RBPMS: variants seen among roughly 807,000 people sequenced by gnomAD.
RBPMS encodes the protein RNA binding protein, mRNA processing factor.
RBPMS carries 7 observed loss-of-function variants against 26.8 expected under a neutral mutation model. The ratio of observed to expected loss-of-function variants is 0.26; its 90% confidence interval spans 0.15 to 0.49. The LOEUF (loss-of-function observed/expected upper bound fraction) is 0.49, where lower values mean the gene tolerates loss of function less well. Ranked by LOEUF, RBPMS falls within the 20% of genes least tolerant of loss-of-function variation. The pLI is 0.98. For missense variants in RBPMS, 186 were observed against 250.0 expected, an observed-to-expected ratio of 0.74 and a Z score of 1.73; for synonymous variants, 96 against 93.3, an observed-to-expected ratio of 1.03 and a Z score of -0.17.
At chr8:30,434,691 G>A (rs141780897) in intron 1 of RBPMS, among the ~76,000 whole-genome samples, 82 of 145,756 alleles carry the variant, frequency 5.6e-4, no homozygotes, top group African/African-American at 2.1e-3. Context: ...GAGACAGAGC[G>A]AGACTCTGCC....
chr8:30,517,660 T>C (rs1449957437), intron 5 of RBPMS, among the ~76,000 whole-genome samples: 1 of 152,212 alleles, frequency 6.6e-6, no homozygotes, highest in Admixed American at 6.5e-5. Flanking sequence ...AGTTCTGCTC[T>C]TGGAGTGTTT....
intron 6 of RBPMS, chr8:30,545,489 C>T: frequency 4.1e-6 from 4 of 966,542 alleles, no homozygotes; most frequent in Non-Finnish European, 4.9e-6. Flanking sequence ...TTTCATTTGT[C>T]TTTCTGCATG....
chr8:30,421,716 G>T (rs980165299), intron 1 of RBPMS, among the ~76,000 whole-genome samples: 1 of 152,152 alleles, frequency 6.6e-6, no homozygotes, highest in Non-Finnish European at 1.5e-5. Flanking sequence ...CAGCACTTTG[G>T]GAGGCTGAGG....
chr8:30,485,658 C>CT (rs1221948224), intron 4 of RBPMS, among the ~76,000 whole-genome samples: 1 of 152,194 alleles, frequency 6.6e-6, no homozygotes, highest in Non-Finnish European at 1.5e-5. Flanking sequence ...TGTGCATGCA[C>CT]TTTGGAGCTT....
intron 5 of RBPMS, among the ~76,000 whole-genome samples, chr8:30,511,658 T>C (rs1476888394): frequency 6.6e-6 from 1 of 150,638 alleles, no homozygotes; most frequent in Non-Finnish European, 1.5e-5. Flanking sequence ...CACATATATA[T>C]ATACACACAA....
chr8:30,474,861 CT>C lies in RBPMS; in HGVS notation c.144+12del, dbSNP rs764028194. ...CTGCTTTTCAGACCATTTAAGGTACCTTTTTTTATCTTTCAGAAATTATAAA... is the reference window on the plus strand; with the variant it reads ...CTGCTTTTCAGACCATTTAAGGTACCTTTTTTATCTTTCAGAAATTATAAA... On this transcript the variant is annotated splice_donor_region_variant and intron_variant, in intron 2 of 8. Transcript: ENST00000397323. The C allele has an allele frequency of 1.8e-5, 29 of 1,568,812 alleles. No homozygotes were observed. The highest frequency in any genetic ancestry group is 2.2e-5 in the East Asian group (1 of 44,630).
chr8:30,411,003 C>T (rs10102297), intron 1 of RBPMS, among the ~76,000 whole-genome samples: 1,872 of 151,990 alleles, frequency 0.012, 40 homozygotes, highest in African/African-American at 0.042. Flanking sequence ...CCTTTCAAGA[C>T]GCTGGGATTA....
At chr8:30,466,742 C>T (rs373372914) in intron 1 of RBPMS, among the ~76,000 whole-genome samples, 4 of 151,906 alleles carry the variant, frequency 2.6e-5, no homozygotes, top group South Asian at 2.1e-4. Flanking sequence ...TTACAGGTGC[C>T]GACCACCACG....
At chr8:30,484,373 T>C (rs776986106) in intron 4 of RBPMS, among the ~76,000 whole-genome samples, 11 of 152,188 alleles carry the variant, frequency 7.2e-5, no homozygotes, top group Non-Finnish European at 1.5e-4. Context: ...CAGTTCTAAG[T>C]AATGGAACTG....
At chr8:30,424,513 T>C (rs1258058550) in intron 1 of RBPMS, among the ~76,000 whole-genome samples, 1 of 152,206 alleles carries the variant, frequency 6.6e-6, no homozygotes, top group African/African-American at 2.4e-5. Flanking sequence ...TATAAGTTAG[T>C]TACTAAGGGT....
intron 6 of RBPMS, among the ~76,000 whole-genome samples, chr8:30,549,812 CTCT>C (rs1826193478): frequency 2.1e-5 from 3 of 140,836 alleles, no homozygotes; most frequent in Non-Finnish European, 4.6e-5. Flanking sequence ...TCTCCTCTCT[CTCT>C]CTCTCTCTCT....
intron 7 of RBPMS, among the ~76,000 whole-genome samples, chr8:30,562,370 A>C (rs1003072684): frequency 3.3e-5 from 5 of 150,462 alleles, no homozygotes; most frequent in African/African-American, 1.2e-4. Context: ...CCCGTGGATG[A>C]ATCATTTGTT....
chr8:30,485,305 T>G (rs963383708), intron 4 of RBPMS, among the ~76,000 whole-genome samples: 3 of 152,234 alleles, frequency 2.0e-5, no homozygotes, highest in Non-Finnish European at 4.4e-5. Flanking sequence ...AGATGGCCTA[T>G]CTCAACTCCC....
intron 5 of RBPMS, among the ~76,000 whole-genome samples, chr8:30,515,098 A>G (rs1437649769): frequency 6.6e-6 from 1 of 152,096 alleles, no homozygotes; most frequent in Non-Finnish European, 1.5e-5. Context: ...CAGCCTCCAG[A>G]GTAGCTGGGA....
chr8:30,418,292 G>A (rs1810336395), intron 1 of RBPMS, among the ~76,000 whole-genome samples: 1 of 152,076 alleles, frequency 6.6e-6, no homozygotes, highest in Non-Finnish European at 1.5e-5. Context: ...ATGTTGCTCA[G>A]GCTAGCTTCA....
At chr8:30,558,591 T>C (rs779704674) in intron 6 of RBPMS, 1 of 505,110 alleles carries the variant, frequency 2.0e-6, no homozygotes, top group Non-Finnish European at 3.6e-6. Context: ...TAGCCTCAAA[T>C]GGCTGCTAAC....
chr8:30,462,768 A>G (rs1816067459), intron 1 of RBPMS, among the ~76,000 whole-genome samples: 2 of 151,992 alleles, frequency 1.3e-5, no homozygotes, highest in Non-Finnish European at 2.9e-5. Context: ...TCAAAAATGG[A>G]ATATAAAGAG....
chr8:30,436,909 G>C (rs1812514777), intron 1 of RBPMS, among the ~76,000 whole-genome samples: 1 of 150,998 alleles, frequency 6.6e-6, no homozygotes, highest in African/African-American at 2.4e-5. Flanking sequence ...ACACTCCCTT[G>C]TCGTGATATA....
chr8:30,477,221 T>G (rs1488850082), intron 2 of RBPMS, among the ~76,000 whole-genome samples: 2 of 152,040 alleles, frequency 1.3e-5, no homozygotes, highest in South Asian at 2.1e-4. Context: ...CTCGGCTAAT[T>G]TTTTTGTATT....
Sources: allele counts gnomAD v4.1 joint callset (sites outside exome capture counted in the v4.1 genomes callset), GRCh38; gene constraint gnomAD v4.1.1; transcripts MANE v1.5; gene names NCBI Gene and HGNC (gene_info 2026-07-23, HGNC 2026-07-21).